LRIT3: variants seen among roughly 807,000 people sequenced by gnomAD.
LRIT3 encodes the protein leucine rich repeat, Ig-like and transmembrane domains 3, also known as leucine-rich repeat, immunoglobulin-like domain and transmembrane domain-containing protein 3.
LRIT3 carries 14 observed loss-of-function variants against 22.6 expected under a neutral mutation model. That is an observed-to-expected ratio of 0.62 (90% CI 0.41 to 0.97). The LOEUF (loss-of-function observed/expected upper bound fraction) is 0.97. Among genes scored for constraint, LRIT3 ranks in the 50% least tolerant of loss-of-function variants. The pLI, the probability that LRIT3 is intolerant of heterozygous loss-of-function variation, is 0.00. For synonymous variants in LRIT3, 306 were observed against 304.5 expected (o/e 1.01, Z -0.05); for missense variants, 783 against 803.0 (o/e 0.98, Z 0.30).
intron 2 of LRIT3, among the ~76,000 whole-genome samples, chr4:109,858,998 C>G (rs1354292636): frequency 6.6e-6 from 1 of 152,014 alleles, no homozygotes; most frequent in Non-Finnish European, 1.5e-5. Flanking sequence ...GACAGGTAGC[C>G]CAGATGAAAT....
intron 2 of LRIT3, among the ~76,000 whole-genome samples, chr4:109,860,317 C>T (rs1300332428): frequency 1.3e-5 from 2 of 152,018 alleles, no homozygotes; most frequent in African/African-American, 2.4e-5. Context: ...TGGTGGCAGC[C>T]CTAGTATTTC....
intron 1 of LRIT3, among the ~76,000 whole-genome samples, chr4:109,849,448 C>T (rs903618912): frequency 2.0e-5 from 3 of 152,148 alleles, no homozygotes; most frequent in Non-Finnish European, 4.4e-5. Context: ...TCTAGTTCAA[C>T]CCCTTGTCAG....
At chr4:109,856,216 A>G (rs1488024787) in intron 2 of LRIT3, among the ~76,000 whole-genome samples, 1 of 152,162 alleles carries the variant, frequency 6.6e-6, no homozygotes, top group Non-Finnish European at 1.5e-5. Flanking sequence ...GCAATTTTGT[A>G]CTTACAATTA....
intron 2 of LRIT3, 61 bp downstream of exon 2, chr4:109,852,037 T>G: frequency 7.1e-7 from 1 of 1,409,052 alleles, no homozygotes; most frequent in Non-Finnish European, 9.4e-7. Context: ...TAGCTTTTTT[T>G]GTCCAGTCTT....
In LRIT3 at chr4:109,870,370, A is replaced by G. The variant is rs35997283; in HGVS notation, c.1621A>G (p.Ile541Val). Residue 541 changes from isoleucine (I) to valine (V), a missense_variant, in exon 4 of 4, where the codon ATA becomes GTA. Ile to Val is a conservative substitution (Grantham distance 29). Transcript: ENST00000594814. The part of the protein sequence containing the change: ...NADSSKNQVT[I>V]DGLEPGGQYM... Reference sequence around the variant, plus strand: ...AGACTCCAGCAAGAACCAAGTAACCATAGATGGCTTGGAACCCGGTGGGCA... The same window carrying G: ...AGACTCCAGCAAGAACCAAGTAACCGTAGATGGCTTGGAACCCGGTGGGCA... 11,593 of 1,614,226 alleles carry G rather than the reference A, an allele frequency of 7.2e-3. 53 individuals carry two copies. Among genetic ancestry groups the G allele is most frequent in the Non-Finnish European group, 8.6e-3 (10,108 of 1,180,034 alleles).
At chr4:109,867,221 C>A (rs984180509) in intron 2 of LRIT3, among the ~76,000 whole-genome samples, 2 of 152,052 alleles carry the variant, frequency 1.3e-5, no homozygotes, top group Admixed American at 6.6e-5. Context: ...TTGGCTCTGA[C>A]ACTAATTAGC....
chr4:109,852,031 T>G, intron 2 of LRIT3, 55 bp downstream of exon 2: 2 of 1,421,944 alleles, frequency 1.4e-6, no homozygotes, highest in Non-Finnish European at 1.9e-6. Context: ...TATGCATAGC[T>G]TTTTTTGTCC....
intron 2 of LRIT3, 65 bp downstream of exon 2, chr4:109,852,041 C>G: frequency 7.1e-7 from 1 of 1,399,242 alleles, no homozygotes; most frequent in Non-Finnish European, 9.5e-7. Flanking sequence ...TTTTTTTGTC[C>G]AGTCTTTTAA....
intron 2 of LRIT3, among the ~76,000 whole-genome samples, chr4:109,861,315 G>A (rs148368880): frequency 1.6e-3 from 248 of 150,522 alleles, no homozygotes; most frequent in Non-Finnish European, 2.6e-3. Context: ...TTGAGATCAC[G>A]TCACTGCACT....
intron 2 of LRIT3, among the ~76,000 whole-genome samples, chr4:109,865,908 T>A (rs1314243721): frequency 6.6e-6 from 1 of 152,158 alleles, no homozygotes. Flanking sequence ...GAAAGTCTGC[T>A]TACCATATAA....
Position 109,869,925 on chromosome 4 carries a change from C to T in LRIT3, c.1176C>T (p.Ser392=), listed in dbSNP as rs757902583. ...ASSYLWSSSF[S]PTSSFSASTL... is the part of the protein sequence containing the mutation. ...CATATCTTTGGTCCTCTTCCTTCTC[C>T]CCCACATCTTCTTTTTCTGCTTCTA... The change falls in exon 4 of 4, where the codon TCC becomes TCT. Residue 392 remains serine, a synonymous_variant. Coordinates refer to ENST00000594814, the MANE Select transcript of LRIT3 (RefSeq NM_198506.5). The T allele has an allele frequency of 6.2e-7, 1 of 1,613,826 alleles. No homozygotes were observed. The highest frequency in any genetic ancestry group is 8.5e-7 in the Non-Finnish European group (1 of 1,179,896).
chr4:109,859,896 A>G (rs952689301), intron 2 of LRIT3, among the ~76,000 whole-genome samples: 2 of 152,208 alleles, frequency 1.3e-5, no homozygotes, highest in Non-Finnish European at 2.9e-5. Flanking sequence ...GGAGCATTTC[A>G]TCTTTTATTC....
At chr4:109,865,270 A>ACCCAGGCAC in intron 2 of LRIT3, 1 of 1,589,118 alleles carries the variant, frequency 6.3e-7, no homozygotes. Flanking sequence ...AGGCACAGTA[A>ACCCAGGCAC]AGTTGGTGAG....
At chr4:109,858,272 T>G (rs560228186) in intron 2 of LRIT3, among the ~76,000 whole-genome samples, 1 of 152,236 alleles carries the variant, frequency 6.6e-6, no homozygotes, top group South Asian at 2.1e-4. Context: ...AGGAGCAATG[T>G]CATCAGGAGG....
chr4:109,866,483 G>T (rs746467309), intron 2 of LRIT3, among the ~76,000 whole-genome samples: 1 of 152,112 alleles, frequency 6.6e-6, no homozygotes, highest in South Asian at 2.1e-4. Flanking sequence ...TGGAGAGGCC[G>T]AGAATAAGAA....
chr4:109,863,420 C>T (rs573648937), intron 2 of LRIT3, among the ~76,000 whole-genome samples: 1 of 152,280 alleles, frequency 6.6e-6, no homozygotes, highest in East Asian at 1.9e-4. Flanking sequence ...CTACCTATCC[C>T]ATGCTTTTGT....
chr4:109,849,291 A>T (rs909296432), intron 1 of LRIT3, among the ~76,000 whole-genome samples: 1 of 152,232 alleles, frequency 6.6e-6, no homozygotes, highest in African/African-American at 2.4e-5. Context: ...CAAGTTAAAG[A>T]CCTACTTGTC....
At position 109,869,703 on chromosome 4, in the gene LRIT3, T is replaced by G. The variant is rs377073593; in HGVS notation, c.954T>G (p.Ile318Met). The G allele has an allele frequency of 8.7e-6, 14 of 1,600,452 alleles. No homozygotes were observed. The highest frequency in any genetic ancestry group is 1.2e-5 in the Non-Finnish European group (14 of 1,173,122). ...GGTCCATAATGAGCTTGACAGGCATTTCTTCCAAAGACGCTGGGGATTACA... is the reference window on the plus strand; with the variant it reads ...GGTCCATAATGAGCTTGACAGGCATGTCTTCCAAAGACGCTGGGGATTACA... Reference protein sequence around the residue: ...VRWSIMSLTGISSKDAGDYKC... With the variant: ...VRWSIMSLTGMSSKDAGDYKC... The change falls in exon 4 of 4, where the codon ATT becomes ATG. Residue 318 changes from isoleucine to methionine, a missense_variant. Physicochemically the swap from Ile to Met is conservative, Grantham distance 10. Transcript: ENST00000594814.
At chr4:109,859,298 A>T (rs185528191) in intron 2 of LRIT3, among the ~76,000 whole-genome samples, 1 of 152,012 alleles carries the variant, frequency 6.6e-6, no homozygotes, top group African/African-American at 2.4e-5. Context: ...GGGTCATTTG[A>T]TTGTGTGTGT....
Sources: gnomAD v4.1 joint callset for allele counts (sites outside exome capture counted in the v4.1 genomes callset) on GRCh38, gnomAD v4.1.1 for gene constraint, MANE v1.5 for transcripts, NCBI Gene and HGNC (gene_info 2026-07-23, HGNC 2026-07-21) for gene names.